The following SIPA1L1 variants were observed in gnomAD, a reference collection of about 807,000 sequenced individuals.
SIPA1L1 encodes signal-induced proliferation-associated 1-like protein 1.
SIPA1L1 carries 26 observed loss-of-function variants against 162.7 expected under a neutral mutation model. The observed-to-expected ratio is 0.16, with a 90% CI of 0.12 to 0.22. The LOEUF is 0.22. Among genes scored for constraint, SIPA1L1 ranks in the 10% least tolerant of loss-of-function variants. The probability of loss-of-function intolerance (pLI) is 1.00; values close to 1 mark genes in which losing one functional copy is unlikely to be tolerated. For missense variants in SIPA1L1, 1,874 were observed against 2,241.0 expected (o/e 0.84, Z 3.31); for synonymous variants, 829 against 837.4 (o/e 0.99, Z 0.17).
intron 4 of SIPA1L1, among the ~76,000 whole-genome samples, chr14:71,555,860 G>C (rs2056307889): frequency 6.6e-6 from 1 of 152,128 alleles, no homozygotes; most frequent in Non-Finnish European, 1.5e-5. Context: ...TTTGTTGATT[G>C]TTTGACATTT....
intron 2 of SIPA1L1, among the ~76,000 whole-genome samples, chr14:71,328,413 GA>G: frequency 6.6e-6 from 1 of 152,204 alleles, no homozygotes; most frequent in Non-Finnish European, 1.5e-5. Context: ...GAGAATGCTA[GA>G]TATTGAGGTT....
intron 4 of SIPA1L1, among the ~76,000 whole-genome samples, chr14:71,555,985 A>G (rs1234127463): frequency 6.6e-6 from 1 of 152,220 alleles, no homozygotes; most frequent in Non-Finnish European, 1.5e-5. Context: ...AATATGACAA[A>G]GTTTGACATA....
intron 8 of SIPA1L1, among the ~76,000 whole-genome samples, chr14:71,653,795 C>G (rs543308781): frequency 6.6e-6 from 1 of 152,046 alleles, no homozygotes; most frequent in African/African-American, 2.4e-5. Context: ...CGTTTAATTC[C>G]GACAAACCTG....
chr14:71,738,490 G>T (rs947271282), intron 23 of SIPA1L1, among the ~76,000 whole-genome samples, 165 bp downstream of exon 23: 3 of 152,166 alleles, frequency 2.0e-5, no homozygotes, highest in Admixed American at 6.5e-5. Flanking sequence ...CACACAGCAT[G>T]AGGAGGCGTT....
Position 71,740,706 on chromosome 14 carries a change from GA to G in SIPA1L1, c.*1547del, listed in dbSNP as rs1213409095. On this transcript the variant is annotated 3_prime_UTR_variant, in exon 24 of 24. Coordinates refer to ENST00000381232, the MANE Select transcript of SIPA1L1 (RefSeq NM_001386936.1). ...CATTCTTGATTGTGATTTCTCCATG[GA>G]ATTTTTTTTTTCTGGTGACATTTCT... 4.6e-5 allele frequency: 7 copies of G among 152,028 alleles called. No homozygotes were observed. The highest frequency in any genetic ancestry group is 1.7e-4 in the African/African-American group (7 of 41,414). 9.4% of individuals were successfully genotyped at this position (152,028 alleles called of 1,614,324 possible).
chr14:71,643,350 C>G (rs1470081493), intron 7 of SIPA1L1, among the ~76,000 whole-genome samples: 1 of 152,164 alleles, frequency 6.6e-6, no homozygotes, highest in Non-Finnish European at 1.5e-5. Flanking sequence ...CATAGCAATA[C>G]AGTTCTCAGA....
intron 17 of SIPA1L1, among the ~76,000 whole-genome samples, chr14:71,716,254 C>T (rs969766169): frequency 6.6e-6 from 1 of 152,152 alleles, no homozygotes; most frequent in African/African-American, 2.4e-5. Flanking sequence ...AGGAGTCCTC[C>T]TTAATCATTA....
chr14:71,675,765 T>G (rs1042016536), intron 12 of SIPA1L1, among the ~76,000 whole-genome samples: 36 of 152,230 alleles, frequency 2.4e-4, no homozygotes, highest in Non-Finnish European at 2.5e-4. Flanking sequence ...AAGCTGCTCC[T>G]CTACCCCTCA....
intron 5 of SIPA1L1, among the ~76,000 whole-genome samples, chr14:71,596,608 C>T (rs970322731): frequency 6.6e-6 from 1 of 152,116 alleles, no homozygotes; most frequent in Non-Finnish European, 1.5e-5. Flanking sequence ...TAATATTTAG[C>T]ATCTATTTTG....
intron 2 of SIPA1L1, among the ~76,000 whole-genome samples, chr14:71,478,779 G>A (rs571529145): frequency 5.2e-4 from 79 of 152,074 alleles, no homozygotes; most frequent in Non-Finnish European, 7.4e-4. Context: ...CTTGCATTTC[G>A]GGCCAAGAGG....
At chr14:71,519,834 A>C (rs543875692) in intron 3 of SIPA1L1, among the ~76,000 whole-genome samples, 2 of 152,204 alleles carry the variant, frequency 1.3e-5, no homozygotes, top group African/African-American at 4.8e-5. Context: ...CTTATGGAAA[A>C]AAAAGATTGA....
chr14:71,668,042 G>A (rs1487553117), intron 10 of SIPA1L1, among the ~76,000 whole-genome samples: 1 of 151,924 alleles, frequency 6.6e-6, no homozygotes, highest in African/African-American at 2.4e-5. Flanking sequence ...TCCAGCCTGG[G>A]CAACAGAGTG....
intron 2 of SIPA1L1, chr14:71,330,390 A>G (rs3742844): frequency 0.012 from 13,012 of 1,050,478 alleles, 110 homozygotes; most frequent in East Asian, 0.019. Context: ...AGAAGCGGAC[A>G]TGCATGCTGA....
intron 5 of SIPA1L1, among the ~76,000 whole-genome samples, chr14:71,605,619 C>T (rs2037394344): frequency 6.6e-6 from 1 of 152,148 alleles, no homozygotes; most frequent in Non-Finnish European, 1.5e-5. Flanking sequence ...AGTATAGTCT[C>T]TGTATAATGT....
intron 4 of SIPA1L1, among the ~76,000 whole-genome samples, chr14:71,564,504 G>A (rs1377812690): frequency 5.5e-4 from 4 of 7,250 alleles, no homozygotes; most frequent in African/African-American, 4.2e-3. Context: ...TTTTTTTTCC[G>A]AGACAGAGTC....
At chr14:71,340,895 C>T (rs544572318) in intron 2 of SIPA1L1, among the ~76,000 whole-genome samples, 28 of 152,244 alleles carry the variant, frequency 1.8e-4, no homozygotes, top group Admixed American at 5.2e-4. Context: ...GCTGTGGTTG[C>T]ACCACTGCAC....
intron 2 of SIPA1L1, chr14:71,497,857 A>G (rs1453114257): frequency 6.6e-6 from 1 of 152,220 alleles, no homozygotes; most frequent in Admixed American, 6.5e-5. Flanking sequence ...TCTCTAGGAT[A>G]GATGCCCAGG....
At chr14:71,464,444 C>T (rs1276359641) in intron 2 of SIPA1L1, among the ~76,000 whole-genome samples, 1 of 152,122 alleles carries the variant, frequency 6.6e-6, no homozygotes, top group African/African-American at 2.4e-5. Context: ...ACTTCGAGAC[C>T]AGCCTGACCA....
intron 2 of SIPA1L1, among the ~76,000 whole-genome samples, chr14:71,434,038 A>G (rs565925103): frequency 4.3e-4 from 66 of 152,340 alleles, no homozygotes; most frequent in Non-Finnish European, 7.1e-4. Context: ...GATTGTGACT[A>G]ATGATCAAAG....
Sources: allele counts gnomAD v4.1 joint callset (sites outside exome capture counted in the v4.1 genomes callset), GRCh38; gene constraint gnomAD v4.1.1; transcripts MANE v1.5; gene names NCBI Gene and HGNC (gene_info 2026-07-23, HGNC 2026-07-21).